The following RNF111 variants were observed in gnomAD, a reference collection of about 807,000 sequenced individuals.
The protein encoded by RNF111 is ring finger protein 111.
A neutral mutation model predicts 95.1 loss-of-function variants in RNF111; 17 were observed. That is an observed-to-expected ratio of 0.18 (90% CI 0.12 to 0.27). The LOEUF (loss-of-function observed/expected upper bound fraction) is 0.27, where lower values mean the gene tolerates loss of function less well. Among genes scored for constraint, RNF111 ranks in the 10% least tolerant of loss-of-function variants. The probability of loss-of-function intolerance (pLI) is 1.00; values close to 1 mark genes in which losing one functional copy is unlikely to be tolerated. For synonymous variants in RNF111, 440 were observed against 414.8 expected, an observed-to-expected ratio of 1.06 and a Z score of -0.74; for missense variants, 1,189 against 1,210.4, an observed-to-expected ratio of 0.98 and a Z score of 0.26.
chr15:59,093,904 C>T (rs1440349779), intron 13 of RNF111, among the ~76,000 whole-genome samples: 1 of 152,084 alleles, frequency 6.6e-6, no homozygotes, highest in Non-Finnish European at 1.5e-5. Context: ...ATTGACAATA[C>T]TGTTCAAGGA....
rs1316629400 is a variant in RNF111, at chr15:59,031,496, C to G, written c.674C>G (p.Thr225Arg). 10 of 1,613,930 alleles carry G rather than the reference C, an allele frequency of 6.2e-6. No homozygotes were observed. Among genetic ancestry groups the G allele is most frequent in the Non-Finnish European group, 8.5e-6 (10 of 1,180,006 alleles). ...GTAAAAAATAATTCCTCACAGAGGA[C>G]ACAGAAACAAAAAGAGAGGATATTA... is the stretch of plus-strand genomic sequence containing the variant. ...RFVKNNSSQR[T>R]QKQKERILMQ... The change falls in exon 2 of 14, where the codon ACA becomes AGA. Residue 225 changes from threonine (T) to arginine (R), a missense_variant. Physicochemically the swap from Thr to Arg is moderately conservative, Grantham distance 71. This residue lies in a region of RNF111 where 1,024 missense variants were observed against 925.9 expected (regional missense o/e 1.11). Coordinates refer to ENST00000348370, the MANE Select transcript of RNF111 (RefSeq NM_017610.8).
chr15:59,007,899 T>C (rs2039613779), intron 1 of RNF111, among the ~76,000 whole-genome samples: 1 of 152,236 alleles, frequency 6.6e-6, no homozygotes, highest in African/African-American at 2.4e-5. Flanking sequence ...TATGTGTTTG[T>C]ATACACACAC....
intron 1 of RNF111, among the ~76,000 whole-genome samples, chr15:59,029,603 G>C: frequency 6.6e-6 from 1 of 152,154 alleles, no homozygotes; most frequent in East Asian, 1.9e-4. Flanking sequence ...ATATATTTCT[G>C]TAACCCATTT....
At chr15:59,030,241 C>G (rs903041745) in intron 1 of RNF111, among the ~76,000 whole-genome samples, 1 of 151,750 alleles carries the variant, frequency 6.6e-6, no homozygotes, top group Non-Finnish European at 1.5e-5. Context: ...CAGGAGAATT[C>G]AGATTCTCAT....
chr15:59,037,000 A>ATT (rs746862245), intron 2 of RNF111, among the ~76,000 whole-genome samples: 5 of 139,884 alleles, frequency 3.6e-5, no homozygotes, highest in African/African-American at 7.9e-5. Flanking sequence ...CAGTTGACTA[A>ATT]TTTTTTTTTT....
chr15:59,043,478 TC>T (rs2041565568), intron 2 of RNF111, among the ~76,000 whole-genome samples: 1 of 152,166 alleles, frequency 6.6e-6, no homozygotes, highest in Non-Finnish European at 1.5e-5. Context: ...AGTGATTTAT[TC>T]CTTGGCTGGG....
intron 1 of RNF111, among the ~76,000 whole-genome samples, chr15:59,013,371 ACT>A (rs1383000104): frequency 6.6e-6 from 1 of 152,026 alleles, no homozygotes; most frequent in African/African-American, 2.4e-5. Context: ...TTCATTGTAG[ACT>A]CTGGTTTCAC....
chr15:59,047,725 G>A (rs1391599631), intron 2 of RNF111, among the ~76,000 whole-genome samples: 1 of 152,076 alleles, frequency 6.6e-6, no homozygotes, highest in Non-Finnish European at 1.5e-5. Context: ...ACAGGCATGT[G>A]CTACCATGCC....
Position 59,013,963 on chromosome 15 carries a change from A to G in RNF111, c.-19-16841A>G, listed in dbSNP as rs559291657. Among the ~76,000 whole-genome samples, 96 of 151,650 alleles carry G rather than the reference A, an allele frequency of 6.3e-4. 1 individual carries two copies. The Middle Eastern group carries it at 0.041, about 64-fold the overall frequency. Reference sequence around the variant, plus strand: ...GCCACCACGCCTGGCTAATTTTTGTATTTTTTAGTGGAGACAAAGGTTTCA... The same window carrying G: ...GCCACCACGCCTGGCTAATTTTTGTGTTTTTTAGTGGAGACAAAGGTTTCA... On this transcript the variant is annotated intron_variant, in intron 1 of 13. Coordinates refer to ENST00000348370, the MANE Select transcript of RNF111 (RefSeq NM_017610.8).
chr15:59,011,742 A>G (rs1167918016), intron 1 of RNF111, among the ~76,000 whole-genome samples: 3 of 152,268 alleles, frequency 2.0e-5, no homozygotes, highest in Non-Finnish European at 4.4e-5. Flanking sequence ...GACTTCATCT[A>G]ACATTAATTA....
At chr15:59,079,223 G>A (rs2078664424) in intron 7 of RNF111, among the ~76,000 whole-genome samples, 1 of 152,162 alleles carries the variant, frequency 6.6e-6, no homozygotes, top group African/African-American at 2.4e-5. Flanking sequence ...TGTGAATGTT[G>A]TATAATGATT....
At position 59,096,371 on chromosome 15, in the gene RNF111, T is replaced by C. The variant is rs2079177085; in HGVS notation, c.*1471T>C. On this transcript the variant is annotated 3_prime_UTR_variant, in exon 14 of 14. Coordinates refer to ENST00000348370, the MANE Select transcript of RNF111 (RefSeq NM_017610.8). Reference sequence around the variant, plus strand: ...TCATATGTGAAGATGTCAATAAGCTTGCATTAAGCCACCTGCTTTGTAAGT... The same window carrying C: ...TCATATGTGAAGATGTCAATAAGCTCGCATTAAGCCACCTGCTTTGTAAGT... The C allele has an allele frequency of 3.3e-6, 1 of 301,684 alleles. No homozygotes were observed. The highest frequency in any genetic ancestry group is 2.1e-5 in the African/African-American group (1 of 46,542). 18.7% of individuals were successfully genotyped at this position (301,684 alleles called of 1,614,324 possible). A position where few individuals can be genotyped will look rare whatever the true frequency, so the allele number is the denominator to read the frequency against.
rs561032789 is a variant in RNF111, at chr15:59,076,728, T to C, written c.1948+513T>C. On this transcript the variant is annotated intron_variant, in intron 7 of 13. Transcript: ENST00000348370. Reference sequence around the variant, plus strand: ...AAAATAGAACCAGCCATGCCTTTTCTAAAGAAATTGAAATTCGTTAGATAT... The same window carrying C: ...AAAATAGAACCAGCCATGCCTTTTCCAAAGAAATTGAAATTCGTTAGATAT... Among the ~76,000 whole-genome samples, 392 of 152,318 alleles carry C rather than the reference T, an allele frequency of 2.6e-3. 5 individuals carry two copies. In the Middle Eastern group the frequency reaches 0.031, roughly 12 times the overall value.
rs71425836 is a variant in RNF111 at position 59,012,003 on chromosome 15, C to CTTTTTTTTTTTTTTTTTT, written c.-19-18789_-19-18772dup. Among the ~76,000 whole-genome samples the CTTTTTTTTTTTTTTTTTT allele has an allele frequency of 3.0e-4, 12 of 40,450 alleles. 3 individuals carry two copies. The highest frequency in any genetic ancestry group is 8.3e-4 in the African/African-American group (10 of 12,118). The allele number at this position is 40,450 out of a possible 152,430, so 26.5% of individuals were successfully genotyped here. A position where few individuals can be genotyped will look rare whatever the true frequency, so the allele number is the denominator to read the frequency against. On this transcript the variant is annotated intron_variant, in intron 1 of 13. Transcript: ENST00000348370. ...TTAGTGTTCTTTTTTGTTTGTTTGC[C>CTTTTTTTTTTTTTTTTTT]TTTTTTTTTTTTTTTTTTTTTTTTT...
chr15:59,090,533 G>T (rs1297085953), intron 11 of RNF111, among the ~76,000 whole-genome samples: 1 of 152,060 alleles, frequency 6.6e-6, no homozygotes, highest in Non-Finnish European at 1.5e-5. Context: ...CCCGGCCCCC[G>T]TTGTGTTTTT....
chr15:58,997,091 A>AT (rs1555466396), intron 1 of RNF111, among the ~76,000 whole-genome samples: 1 of 151,900 alleles, frequency 6.6e-6, no homozygotes, highest in Non-Finnish European at 1.5e-5. Context: ...TTTTAAGTTA[A>AT]TTTTTTCAGA....
At chr15:59,069,437 T>C (rs542738601) in intron 6 of RNF111, among the ~76,000 whole-genome samples, 28 of 152,334 alleles carry the variant, frequency 1.8e-4, no homozygotes, top group Non-Finnish European at 3.2e-4. Flanking sequence ...TTACAGAATA[T>C]TTTGTTATTA....
intron 5 of RNF111, among the ~76,000 whole-genome samples, chr15:59,061,149 T>C (rs1325947545): frequency 6.6e-6 from 1 of 152,192 alleles, no homozygotes; most frequent in Non-Finnish European, 1.5e-5. Context: ...CCCAACTTTA[T>C]TTCAGAATAT....
chr15:59,031,210 AATG>A lies in RNF111; in HGVS notation c.391_393del (p.Asp131del), dbSNP rs1567227831. 1.9e-6 allele frequency: 3 copies of A among 1,614,120 alleles called. No homozygotes were observed. The highest frequency in any genetic ancestry group is 1.7e-5 in the Admixed American group (1 of 60,008). The stretch of plus-strand genomic sequence containing the variant: ...CCTAGGGACACCAAGTGATGAAGAT[AATG>A]ATTCCTCTTTTAGTGATTGTCTTTC... On this transcript the variant is annotated inframe_deletion, in exon 2 of 14. Coordinates refer to ENST00000348370, the MANE Select transcript of RNF111 (RefSeq NM_017610.8).
Sources: gnomAD v4.1 joint callset for allele counts (sites outside exome capture counted in the v4.1 genomes callset) on GRCh38, gnomAD v4.1.1 for gene constraint, gnomAD v4.1.1 regional missense constraint, MANE v1.5 for transcripts, NCBI Gene and HGNC (gene_info 2026-07-23, HGNC 2026-07-21) for gene names.